The following DTNB variants were observed in gnomAD, a reference collection of about 807,000 sequenced individuals.
DTNB encodes dystrobrevin beta.
DTNB carries 63 observed loss-of-function variants against 90.7 expected under a neutral mutation model. That is an observed-to-expected ratio of 0.69 (90% CI 0.57 to 0.86). The LOEUF (loss-of-function observed/expected upper bound fraction) is 0.86, where lower values mean the gene tolerates loss of function less well. Ranked by LOEUF, DTNB falls within the 40% of genes least tolerant of loss-of-function variation. The probability of loss-of-function intolerance (pLI) is 0.00; values close to 1 mark genes in which losing one functional copy is unlikely to be tolerated. For missense variants in DTNB, 744 were observed against 807.1 expected, an observed-to-expected ratio of 0.92 and a Z score of 0.95; for synonymous variants, 277 against 286.7, an observed-to-expected ratio of 0.97 and a Z score of 0.34.
chr2:25,439,562 A>G (rs563910743), intron 12 of DTNB, among the ~76,000 whole-genome samples: 28 of 152,194 alleles, frequency 1.8e-4, no homozygotes, highest in African/African-American at 6.7e-4. Context: ...TATCTTTGAA[A>G]TTTTTCTGTA....
At chr2:25,478,039 C>A (rs983721775) in intron 10 of DTNB, among the ~76,000 whole-genome samples, 2 of 148,152 alleles carry the variant, frequency 1.3e-5, no homozygotes, top group Non-Finnish European at 3.0e-5. Flanking sequence ...AAAAAAGAAA[C>A]CTCTTGGCTG....
At chr2:25,573,966 G>A (rs1158585110) in intron 8 of DTNB, among the ~76,000 whole-genome samples, 3 of 152,068 alleles carry the variant, frequency 2.0e-5, no homozygotes, top group African/African-American at 4.8e-5. Context: ...CACCCTCCGC[G>A]GAGTCCTAAT....
At chr2:25,566,056 G>A (rs2058978913) in intron 8 of DTNB, among the ~76,000 whole-genome samples, 2 of 152,170 alleles carry the variant, frequency 1.3e-5, no homozygotes. Context: ...AGATTACACT[G>A]GGTGGGCCTG....
intron 14 of DTNB, among the ~76,000 whole-genome samples, chr2:25,428,408 G>A (rs1422985388): frequency 1.3e-5 from 2 of 151,094 alleles, no homozygotes; most frequent in East Asian, 3.9e-4. Flanking sequence ...GCATGAAACA[G>A]TCTCCTTATG....
At chr2:25,448,790 C>T (rs1574604211) in intron 12 of DTNB, among the ~76,000 whole-genome samples, 1 of 148,006 alleles carries the variant, frequency 6.8e-6, no homozygotes, top group African/African-American at 2.5e-5. Flanking sequence ...GGAGGCAGAG[C>T]TTGCAGTGAG....
At chr2:25,549,746 G>C (rs909848142) in intron 8 of DTNB, among the ~76,000 whole-genome samples, 1 of 151,874 alleles carries the variant, frequency 6.6e-6, no homozygotes, top group Non-Finnish European at 1.5e-5. Flanking sequence ...CTGCAGCCTT[G>C]ACCTCCTGAG....
intron 12 of DTNB, among the ~76,000 whole-genome samples, chr2:25,450,797 C>T (rs1216283389): frequency 2.0e-5 from 3 of 152,062 alleles, no homozygotes; most frequent in East Asian, 1.9e-4. Flanking sequence ...TTTAATGCTA[C>T]AGTAAATAGT....
chr2:25,625,879 C>T (rs778687694), intron 4 of DTNB, among the ~76,000 whole-genome samples: 6 of 152,078 alleles, frequency 3.9e-5, no homozygotes, highest in Non-Finnish European at 7.3e-5. Context: ...AATTAGGTCA[C>T]GAGGGGGTCC....
At chr2:25,556,170 C>CTCTTT (rs1553523957) in intron 8 of DTNB, among the ~76,000 whole-genome samples, 10 of 105,564 alleles carry the variant, frequency 9.5e-5, no homozygotes, top group African/African-American at 1.6e-4. Context: ...GGCCATCTCT[C>CTCTTT]TTTTTTTTTT....
At chr2:25,555,672 C>G (rs2057214767) in intron 8 of DTNB, among the ~76,000 whole-genome samples, 1 of 152,036 alleles carries the variant, frequency 6.6e-6, no homozygotes, top group Non-Finnish European at 1.5e-5. Context: ...TCAATATGAA[C>G]CTCTTTCCAC....
Position 25,433,003 on chromosome 2 carries a change from G to A in DTNB, c.1344-4C>T, listed in dbSNP as rs1349861573. On this transcript the variant is annotated splice_region_variant and splice_polypyrimidine_tract_variant and intron_variant, in intron 13 of 20. Coordinates refer to ENST00000406818, the MANE Select transcript of DTNB (RefSeq NM_021907.5). ...CTGAATCTCCTGCAGGATCTCTCTA[G>A]AGAGGATGGGTGAACGGAAAGGGGC... 1 of 1,599,202 alleles carries A rather than the reference G, an allele frequency of 6.3e-7. No homozygotes were observed.
At chr2:25,390,895 CTTTT>C (rs34194776) in intron 16 of DTNB, among the ~76,000 whole-genome samples, 10 of 135,874 alleles carry the variant, frequency 7.4e-5, no homozygotes, top group African/African-American at 8.1e-5. Context: ...TAGGTAATGA[CTTTT>C]TTTTTTTTTT....
At chr2:25,472,631 C>A (rs749602909) in intron 10 of DTNB, among the ~76,000 whole-genome samples, 28 of 152,172 alleles carry the variant, frequency 1.8e-4, no homozygotes, top group Non-Finnish European at 2.9e-5. Flanking sequence ...TGCCTGTAAT[C>A]CCAGCACTTT....
intron 18 of DTNB, among the ~76,000 whole-genome samples, chr2:25,384,979 A>G (rs1367508165): frequency 6.6e-6 from 1 of 151,856 alleles, no homozygotes; most frequent in Non-Finnish European, 1.5e-5. Context: ...CCCAGGTTCA[A>G]GCGATTCTCC....
chr2:25,596,358 T>G, intron 5 of DTNB, 118 bp from the exon 6 acceptor site: 1 of 1,210,238 alleles, frequency 8.3e-7, no homozygotes, highest in East Asian at 2.7e-5. Context: ...CATAAAATTA[T>G]TGTGACTTTT....
At chr2:25,606,855 A>C (rs779024906) in intron 5 of DTNB, among the ~76,000 whole-genome samples, 8 of 152,228 alleles carry the variant, frequency 5.3e-5, no homozygotes, top group Non-Finnish European at 8.8e-5. Context: ...TGAAGAATGG[A>C]GTTATTAAGA....
At chr2:25,526,390 T>TAA (rs2077153207) in intron 9 of DTNB, among the ~76,000 whole-genome samples, 2 of 66,352 alleles carry the variant, frequency 3.0e-5, no homozygotes, top group Admixed American at 1.8e-4. Context: ...TATATATATA[T>TAA]ATATATTTTT....
intron 10 of DTNB, among the ~76,000 whole-genome samples, chr2:25,478,012 T>C (rs1025443383): frequency 1.3e-4 from 6 of 45,596 alleles, no homozygotes; most frequent in African/African-American, 4.3e-4. Context: ...TGTGAGTTTT[T>C]ACTTTAAAAA....
At position 25,577,036 on chromosome 2, in the gene DTNB, A is replaced by G. The variant is rs73922435; in HGVS notation, c.710-32T>C. The G allele has an allele frequency of 6.5e-3, 10,145 of 1,558,528 alleles. 593 individuals are homozygous for G. In the African/African-American group the frequency reaches 0.12, roughly 19 times the overall value. On this transcript the variant is annotated intron_variant, in intron 7 of 20. Coordinates refer to ENST00000406818, the MANE Select transcript of DTNB (RefSeq NM_021907.5). Reference sequence around the variant, plus strand: ...GACAGGAGAGAAAAGGGGAGAAAAAAGGGCAGGAGGGAAGGGATAGAATAA... The same window carrying G: ...GACAGGAGAGAAAAGGGGAGAAAAAGGGGCAGGAGGGAAGGGATAGAATAA...
Sources: allele counts gnomAD v4.1 joint callset (sites outside exome capture counted in the v4.1 genomes callset), GRCh38; gene constraint gnomAD v4.1.1; transcripts MANE v1.5; gene names NCBI Gene and HGNC (gene_info 2026-07-23, HGNC 2026-07-21).